Variants in NREP observed in about 807,000 individuals in gnomAD.
NREP encodes neuronal regeneration related protein.
NREP carries 5 observed loss-of-function variants against 8.6 expected under a neutral mutation model. That is an observed-to-expected ratio of 0.58 (90% CI 0.30 to 1.22). The LOEUF is 1.22. NREP is among the 50% of genes most tolerant of loss of function. NREP has a pLI of 0.07. For synonymous variants in NREP, 27 were observed against 28.0 expected, an observed-to-expected ratio of 0.96 and a Z score of 0.11; for missense variants, 86 against 82.5, an observed-to-expected ratio of 1.04 and a Z score of -0.17.
intron 2 of NREP, among the ~76,000 whole-genome samples, chr5:111,749,421 G>C (rs1380337172): frequency 6.6e-6 from 1 of 151,052 alleles, no homozygotes; most frequent in Admixed American, 6.6e-5. Context: ...ATTTATAAGA[G>C]ATTGCAGGAA....
rs188719417 is a variant in NREP, at chr5:111,963,445, T to C, written c.135+11829A>G. 7.9e-5 allele frequency among the ~76,000 whole-genome samples: 12 copies of C among 152,310 alleles called. No individual in the cohort carries two copies. In the East Asian group the frequency reaches 2.3e-3, roughly 29 times the overall value. ...CAAGAAAGCACAAAAAATATGTTTT[T>C]TAACTGGCCATTTAAACCAAGTTCA... On this transcript the variant is annotated intron_variant, in intron 2 of 3. Coordinates refer to the NREP transcript ENST00000395634.
At chr5:111,791,032 T>C (rs1391517892) in intron 2 of NREP, among the ~76,000 whole-genome samples, 2 of 152,148 alleles carry the variant, frequency 1.3e-5, no homozygotes, top group Non-Finnish European at 2.9e-5. Flanking sequence ...TCCCCGAGTA[T>C]ACTGAAAGAG....
chr5:111,969,914 A>G (rs1199983627), intron 2 of NREP, among the ~76,000 whole-genome samples: 12 of 152,228 alleles, frequency 7.9e-5, no homozygotes, highest in Admixed American at 7.8e-4. Context: ...TCCATTCTCA[A>G]GAATTGTGGA....
intron 2 of NREP, among the ~76,000 whole-genome samples, chr5:111,737,702 A>T (rs1251654536): frequency 6.8e-6 from 1 of 147,654 alleles, no homozygotes; most frequent in Non-Finnish European, 1.5e-5. Context: ...TGTTCTAAGA[A>T]CTCTCCATTT....
intron 2 of NREP, among the ~76,000 whole-genome samples, chr5:111,861,783 C>G (rs1753549440): frequency 6.6e-6 from 1 of 152,124 alleles, no homozygotes; most frequent in African/African-American, 2.4e-5. Context: ...TAATCCTAAT[C>G]ACGTTCCCCA....
intron 2 of NREP, among the ~76,000 whole-genome samples, chr5:111,812,190 G>C (rs905893070): frequency 6.6e-6 from 1 of 152,152 alleles, no homozygotes; most frequent in African/African-American, 2.4e-5. Flanking sequence ...GGGAGGCTGA[G>C]GTGGGAAGAC....
At chr5:111,873,008 C>G (rs949558172) in intron 2 of NREP, among the ~76,000 whole-genome samples, 3 of 152,076 alleles carry the variant, frequency 2.0e-5, no homozygotes, top group Admixed American at 6.6e-5. Context: ...TTATGTAGGT[C>G]GCATCACTTA....
intron 2 of NREP, among the ~76,000 whole-genome samples, chr5:111,779,388 T>C (rs1425704729): frequency 6.6e-6 from 1 of 152,100 alleles, no homozygotes; most frequent in South Asian, 2.1e-4. Context: ...TGCCGGGAGG[T>C]TTGCTCTGCT....
rs948559059 is a variant in NREP at position 111,897,549 on chromosome 5, C to T, written c.135+77725G>A. Among the ~76,000 whole-genome samples, 8 of 152,248 alleles carry T rather than the reference C, an allele frequency of 5.3e-5. No individual in the cohort carries two copies. The East Asian group carries it at 1.5e-3, about 29-fold the overall frequency. ...GTTAAACTTGTGAGCTTTCCTTCTG[C>T]TTTCTTGGCTTGTCTCTGTTCTACT... On this transcript the variant is annotated intron_variant, in intron 2 of 3. Transcript: ENST00000395634.
chr5:111,953,049 CT>C (rs1756209576), intron 2 of NREP, among the ~76,000 whole-genome samples: 1 of 152,142 alleles, frequency 6.6e-6, no homozygotes, highest in Non-Finnish European at 1.5e-5. Flanking sequence ...CTAACCTATA[CT>C]TTGCTGCAGC....
At chr5:111,953,528 G>C (rs944801428) in intron 2 of NREP, among the ~76,000 whole-genome samples, 3 of 151,866 alleles carry the variant, frequency 2.0e-5, no homozygotes, top group Non-Finnish European at 4.4e-5. Flanking sequence ...CATTCTTCAG[G>C]CATCATGAGT....
intron 2 of NREP, among the ~76,000 whole-genome samples, chr5:111,897,101 T>C (rs968369690): frequency 6.6e-6 from 1 of 152,140 alleles, no homozygotes; most frequent in Non-Finnish European, 1.5e-5. Flanking sequence ...AAACTACAAA[T>C]TATTACATTT....
In NREP at chr5:111,965,835, A is replaced by G. The variant is rs563017587; in HGVS notation, c.135+9439T>C. On this transcript the variant is annotated intron_variant, in intron 2 of 3. Transcript: ENST00000395634. ...ATTTTGTTTGTATTGGGATTCAAATAAGGCCCAAATATTACAAGTGCTTGA... is the reference window on the plus strand; with the variant it reads ...ATTTTGTTTGTATTGGGATTCAAATGAGGCCCAAATATTACAAGTGCTTGA... Among the ~76,000 whole-genome samples the G allele has an allele frequency of 5.3e-5, 8 of 152,306 alleles. No homozygotes were observed. The South Asian group carries it at 1.5e-3, about 28-fold the overall frequency.
rs201953344 is a variant in NREP at position 111,956,542 on chromosome 5, C to CT, written c.135+18731dup. Among the ~76,000 whole-genome samples the CT allele has an allele frequency of 7.8e-3, 1,181 of 151,376 alleles. 16 individuals carry two copies. Among genetic ancestry groups the CT allele is most frequent in the African/African-American group, 0.028 (1,138 of 41,224 alleles). On this transcript the variant is annotated intron_variant, in intron 2 of 3. Transcript: ENST00000395634. ...AATCAAGTGACATGAAGAATATAAA[C>CT]TTTAAAAAATTCTAAATAAAAATCA...
intron 2 of NREP, among the ~76,000 whole-genome samples, chr5:111,895,232 G>A (rs146264631): frequency 6.6e-6 from 1 of 152,268 alleles, no homozygotes; most frequent in South Asian, 2.1e-4. Flanking sequence ...GGACAGAGTG[G>A]GGCTCAGGAA....
At chr5:111,832,077 A>G (rs1232762301) in intron 2 of NREP, among the ~76,000 whole-genome samples, 1 of 152,168 alleles carries the variant, frequency 6.6e-6, no homozygotes, top group Non-Finnish European at 1.5e-5. Context: ...AATGATTTAT[A>G]ACAAAGTGAA....
At chr5:111,855,498 C>T (rs1296755581) in intron 2 of NREP, among the ~76,000 whole-genome samples, 2 of 152,090 alleles carry the variant, frequency 1.3e-5, no homozygotes, top group East Asian at 3.9e-4. Flanking sequence ...AACATTTTTC[C>T]AGACCCAGAG....
chr5:111,841,219 C>T (rs1753023247), intron 2 of NREP, among the ~76,000 whole-genome samples: 1 of 152,126 alleles, frequency 6.6e-6, no homozygotes, highest in African/African-American at 2.4e-5. Flanking sequence ...AAACATGCCT[C>T]AGAATTGTGC....
At chr5:111,865,565 A>G (rs540122323) in intron 2 of NREP, among the ~76,000 whole-genome samples, 1 of 152,322 alleles carries the variant, frequency 6.6e-6, no homozygotes, top group African/African-American at 2.4e-5. Flanking sequence ...GCCACATGAC[A>G]TTATGATGGC....
Sources: allele counts gnomAD v4.1 joint callset (sites outside exome capture counted in the v4.1 genomes callset), GRCh38; gene constraint gnomAD v4.1.1; transcripts MANE v1.5; gene names NCBI Gene and HGNC (gene_info 2026-07-23, HGNC 2026-07-21).